BPTF: variants seen among roughly 807,000 people sequenced by gnomAD.
BPTF encodes nucleosome-remodeling factor subunit BPTF.
A neutral mutation model predicts 292.5 loss-of-function variants in BPTF; 18 were observed. The observed-to-expected ratio is 0.06, with a 90% CI of 0.04 to 0.09. The LOEUF is 0.09. Ranked by LOEUF, BPTF falls within the 10% of genes least tolerant of loss-of-function variation. The pLI is 1.00. For missense variants in BPTF, 2,726 were observed against 3,498.7 expected (o/e 0.78, Z 5.57); for synonymous variants, 1,225 against 1,251.9 (o/e 0.98, Z 0.45).
At chr17:67,953,260 C>CTT (rs57310551) in intron 23 of BPTF, among the ~76,000 whole-genome samples, 16 of 122,968 alleles carry the variant, frequency 1.3e-4, no homozygotes, top group Non-Finnish European at 2.3e-4. Context: ...CGCGCCTGGC[C>CTT]TTTTTTTTTT....
intron 2 of BPTF, among the ~76,000 whole-genome samples, chr17:67,865,451 A>G (rs2059340662): frequency 6.6e-6 from 1 of 152,156 alleles, no homozygotes; most frequent in African/African-American, 2.4e-5. Flanking sequence ...AGGTTTTATT[A>G]TATCTTCATT....
chr17:67,847,209 C>A (rs62084214), intron 1 of BPTF, among the ~76,000 whole-genome samples: 1 of 151,946 alleles, frequency 6.6e-6, no homozygotes, highest in Admixed American at 6.6e-5. Flanking sequence ...AGCACAATGT[C>A]TGGCAAATAG....
chr17:67,982,187 A>ATTTT, intron 27 of BPTF, 65 bp from the exon 28 acceptor site: 2 of 1,450,930 alleles, frequency 1.4e-6, no homozygotes, highest in Admixed American at 3.4e-5. Flanking sequence ...TGGCATCCGC[A>ATTTT]TAAAGCATCA....
chr17:67,911,132 A>G lies in BPTF; in HGVS notation c.3248A>G (p.Lys1083Arg). 1 of 1,614,060 alleles carries G rather than the reference A, an allele frequency of 6.2e-7. No homozygotes were observed. The highest frequency in any genetic ancestry group is 1.1e-5 in the South Asian group (1 of 91,080). Residue 1083 changes from lysine (K) to arginine (R), a missense_variant, in exon 11 of 28, where the codon AAG becomes AGG. Lys to Arg is a conservative substitution (Grantham distance 26). This residue lies in a region of BPTF where 713 missense variants were observed against 714.9 expected (regional missense o/e 1.00). Transcript: ENST00000306378. ...GAAAAACAGCGACTCGAAAAAATCA[A>G]GTTGGAGGGTGGAATTAAGGGTATA... ...LEEKQRLEKI[K>R]LEGGIKGIGK... is the part of the protein sequence containing the mutation.
In BPTF at chr17:67,903,773, A is replaced by G; in HGVS notation, c.2544-16A>G. 6.6e-7 allele frequency: 1 copy of G among 1,524,534 alleles called. No homozygotes were observed. The highest frequency in any genetic ancestry group is 8.8e-7 in the Non-Finnish European group (1 of 1,142,618). The allele number at this position is 1,524,534 out of a possible 1,614,324, so 94.4% of individuals were successfully genotyped here. A position where few individuals can be genotyped will look rare whatever the true frequency, so the allele number is the denominator to read the frequency against. On this transcript the variant is annotated splice_polypyrimidine_tract_variant and intron_variant, in intron 7 of 27. Coordinates refer to ENST00000306378, the MANE Select transcript of BPTF (RefSeq NM_182641.4). ...TTTTCCAAGTTAACATTGTCTTTCT[A>G]TGCATGAATTCTTAGGTTACACCGG...
At position 67,940,454 on chromosome 17, in the gene BPTF, T is replaced by C. The variant is rs782690985; in HGVS notation, c.6275T>C (p.Val2092Ala). The C allele has an allele frequency of 1.9e-6, 3 of 1,614,138 alleles. No individual in the cohort carries two copies. Among genetic ancestry groups the C allele is most frequent in the Middle Eastern group, 3.3e-4 (2 of 6,062 alleles). Residue 2092 changes from valine to alanine, a missense_variant, in exon 19 of 28, where the codon GTG (valine) becomes GCG (alanine). This residue lies in a region of BPTF where 570 missense variants were observed against 633.5 expected (regional missense o/e 0.90). Coordinates refer to ENST00000306378, the MANE Select transcript of BPTF (RefSeq NM_182641.4). ...GTTTGGGTAGGTGCTCCTCAGCAAG[T>C]GATGACTCAAATCATCAGGGGGCAG... The part of the protein sequence containing the change: ...VMVQPGAPQQ[V>A]MTQIIRGQPV...
intron 27 of BPTF, 69 bp downstream of exon 27, chr17:67,976,027 G>T: frequency 8.0e-7 from 1 of 1,242,838 alleles, no homozygotes; most frequent in Non-Finnish European, 1.1e-6. Flanking sequence ...TCTGTCTAAC[G>T]ATTCAACCAG....
rs1325260606 is a variant in BPTF at position 67,866,693 on chromosome 17, A to G, written c.1660+6A>G. ...CTTTCTGGCGGCAGCTAATGGTGAGAGGGGCATTTTCTCATTTTATTTTTG... is the reference window on the plus strand; with the variant it reads ...CTTTCTGGCGGCAGCTAATGGTGAGGGGGGCATTTTCTCATTTTATTTTTG... On this transcript the variant is annotated splice_donor_region_variant and intron_variant, in intron 3 of 27. Coordinates refer to ENST00000306378, the MANE Select transcript of BPTF (RefSeq NM_182641.4). 6.2e-7 allele frequency: 1 copy of G among 1,604,238 alleles called. No homozygotes were observed. Among genetic ancestry groups the G allele is most frequent in the African/African-American group, 1.3e-5 (1 of 74,522 alleles).
intron 1 of BPTF, among the ~76,000 whole-genome samples, chr17:67,848,413 TA>T (rs1318754247): frequency 6.6e-6 from 1 of 152,132 alleles, no homozygotes; most frequent in African/African-American, 2.4e-5. Flanking sequence ...GCCTGTAATA[TA>T]ATTGTGCTCA....
At position 67,929,348 on chromosome 17, in the gene BPTF, T is replaced by A; in HGVS notation, c.6011T>A (p.Val2004Glu). 6.2e-7 allele frequency: 1 copy of A among 1,613,702 alleles called. No individual in the cohort carries two copies. Among genetic ancestry groups the A allele is most frequent in the Non-Finnish European group, 8.5e-7 (1 of 1,179,908 alleles). The change falls in exon 17 of 28, where the codon GTA becomes GAA. Residue 2004 changes from valine (V) to glutamate (E), a missense_variant. Around this residue, in one of 22 missense-constraint regions of BPTF, gnomAD observed 198 missense variants for 277.1 expected, o/e 0.71. Transcript: ENST00000306378. ...QGQSNSGVVQVQQKVLGIIPS... is the reference protein window; with the variant it reads ...QGQSNSGVVQEQQKVLGIIPS... ...ATCTTTTTTTAAGGCGTTGTTCAAG[T>A]ACAGCAGAAAGTCCTGGGTATCATT...
At chr17:67,857,362 G>A (rs573841423) in intron 2 of BPTF, among the ~76,000 whole-genome samples, 76 of 151,322 alleles carry the variant, frequency 5.0e-4, no homozygotes, top group Non-Finnish European at 6.8e-4. Context: ...GGGTTTCACC[G>A]TGTTAGCCAG....
chr17:67,906,326 G>A (rs1461346815), intron 9 of BPTF, among the ~76,000 whole-genome samples: 17 of 152,074 alleles, frequency 1.1e-4, no homozygotes, highest in Admixed American at 1.0e-3. Flanking sequence ...TGATCTGCCC[G>A]CCTCGGCCTC....
At chr17:67,843,223 T>C (rs1418669224) in intron 1 of BPTF, among the ~76,000 whole-genome samples, 1 of 146,212 alleles carries the variant, frequency 6.8e-6, no homozygotes, top group Non-Finnish European at 1.5e-5. Context: ...TGTAGATATA[T>C]ACCTATATAT....
chr17:67,919,280 A>G (rs531428536), intron 12 of BPTF, among the ~76,000 whole-genome samples: 9 of 151,834 alleles, frequency 5.9e-5, no homozygotes, highest in Non-Finnish European at 1.3e-4. Flanking sequence ...TCTCACCTGT[A>G]ATCCTAGCAC....
rs558217173 is a variant in BPTF, at chr17:67,946,449, A to G, written c.7617+124A>G. 1.3e-5 allele frequency: 19 copies of G among 1,415,866 alleles called. No individual in the cohort carries two copies. The East Asian group carries it at 3.9e-4, about 29-fold the overall frequency. The allele number at this position is 1,415,866 out of a possible 1,614,324, so 87.7% of individuals were successfully genotyped here. On this transcript the variant is annotated intron_variant, in intron 21 of 27. Coordinates refer to ENST00000306378, the MANE Select transcript of BPTF (RefSeq NM_182641.4). Reference sequence around the variant, plus strand: ...AAAGTCATTAATGTTTAAATTTAGAAGAAACACTGAATTGACCAAAAAAAA... The same window carrying G: ...AAAGTCATTAATGTTTAAATTTAGAGGAAACACTGAATTGACCAAAAAAAA...
At chr17:67,968,174 T>C (rs1185628004) in intron 26 of BPTF, among the ~76,000 whole-genome samples, 2 of 151,358 alleles carry the variant, frequency 1.3e-5, no homozygotes, top group Admixed American at 1.3e-4. Flanking sequence ...AAGGATCACT[T>C]ACCACTAATG....
At chr17:67,925,806 C>CTA (rs1191309540) in intron 15 of BPTF, among the ~76,000 whole-genome samples, 1 of 151,852 alleles carries the variant, frequency 6.6e-6, no homozygotes, top group Admixed American at 6.6e-5. Flanking sequence ...TTTCAGTTTA[C>CTA]TATAGGTCCT....
At chr17:67,829,274 A>T in intron 1 of BPTF, among the ~76,000 whole-genome samples, 1 of 150,604 alleles carries the variant, frequency 6.6e-6, no homozygotes, top group Non-Finnish European at 1.5e-5. Flanking sequence ...TGTGATGTTA[A>T]TTTGGATGCT....
chr17:67,917,243 C>G (rs562994638), intron 11 of BPTF, among the ~76,000 whole-genome samples: 1 of 149,272 alleles, frequency 6.7e-6, no homozygotes, highest in South Asian at 2.1e-4. Flanking sequence ...AGCTATTCTT[C>G]TTTCTCAGCC....
Sources: allele counts gnomAD v4.1 joint callset (sites outside exome capture counted in the v4.1 genomes callset), GRCh38; gene constraint gnomAD v4.1.1; regional missense constraint gnomAD v4.1.1; transcripts MANE v1.5; gene names NCBI Gene and HGNC (gene_info 2026-07-23, HGNC 2026-07-21).